The following PPARGC1A variants were observed in gnomAD, a reference collection of about 807,000 sequenced individuals.
The protein encoded by PPARGC1A is PPARG coactivator 1 alpha.
PPARGC1A carries 25 observed loss-of-function variants against 88.7 expected under a neutral mutation model. That is an observed-to-expected ratio of 0.28 (90% CI 0.21 to 0.39). PPARGC1A has a LOEUF of 0.39. Among genes scored for constraint, PPARGC1A ranks in the 10% least tolerant of loss-of-function variants. PPARGC1A has a pLI of 1.00. For missense variants in PPARGC1A, 880 were observed against 968.7 expected, an observed-to-expected ratio of 0.91 and a Z score of 1.22; for synonymous variants, 363 against 355.6, an observed-to-expected ratio of 1.02 and a Z score of -0.24.
chr4:24,283,955 G>A, the PPARGC1A span, among the ~76,000 whole-genome samples: 3 of 152,056 alleles, frequency 2.0e-5, no homozygotes, highest in African/African-American at 7.2e-5. Flanking sequence ...CTTTACAGAT[G>A]GGGAAACTGA....
chr4:24,062,998 C>T, the PPARGC1A span, among the ~76,000 whole-genome samples: 37,705 of 152,064 alleles, frequency 0.25, 4,942 homozygotes, highest in Admixed American at 0.36. Flanking sequence ...AACGATGGTT[C>T]ATCTTCTCTA....
the PPARGC1A span, among the ~76,000 whole-genome samples, chr4:24,423,829 A>G: frequency 6.6e-6 from 1 of 152,208 alleles, no homozygotes. Context: ...GTCAAACACT[A>G]CCAACGCTGC....
rs772347788 is a variant in PPARGC1A at position 23,795,787 on chromosome 4, C to A, written c.*35G>T. The A allele has an allele frequency of 2.7e-6, 4 of 1,501,336 alleles. No homozygotes were observed. Among genetic ancestry groups the A allele is most frequent in the South Asian group, 1.2e-5 (1 of 86,052 alleles). The allele number at this position is 1,501,336 out of a possible 1,614,324, so 93.0% of individuals were successfully genotyped here. A position where few individuals can be genotyped will look rare whatever the true frequency, so the allele number is the denominator to read the frequency against. On this transcript the variant is annotated 3_prime_UTR_variant, in exon 13 of 13. Transcript: ENST00000264867. ...AGGACGCGCTGTCCCATGAGGTATT[C>A]GCCATCCCTCTGTCATCCTCAGCTA...
the PPARGC1A span, among the ~76,000 whole-genome samples, chr4:24,387,838 AAG>A: frequency 1.2e-3 from 88 of 72,498 alleles, 4 homozygotes; most frequent in Admixed American, 0.011. Context: ...GAAAGAGAGA[AAG>A]AGAGAGAGAA....
intron 12 of PPARGC1A, among the ~76,000 whole-genome samples, chr4:23,798,447 T>A (rs896476073): frequency 6.6e-6 from 1 of 152,142 alleles, no homozygotes; most frequent in Non-Finnish European, 1.5e-5. Flanking sequence ...AAACCATGGT[T>A]GAAAATATTT....
the PPARGC1A span, among the ~76,000 whole-genome samples, chr4:24,357,818 G>C: frequency 6.6e-6 from 1 of 152,088 alleles, no homozygotes; most frequent in Non-Finnish European, 1.5e-5. Flanking sequence ...CTTGTCTGCC[G>C]CCACATAAGA....
At chr4:24,470,324 A>ACACACACACT in the PPARGC1A span, among the ~76,000 whole-genome samples, 42 of 107,842 alleles carry the variant, frequency 3.9e-4, no homozygotes, top group African/African-American at 1.3e-3. The surrounding 1 kb of genome is among the most constrained non-coding windows in gnomAD (Gnocchi z 5.8). Flanking sequence ...ACACACACAC[A>ACACACACACT]CTCTCTCACA....
At chr4:23,996,850 A>C in the PPARGC1A span, among the ~76,000 whole-genome samples, 1 of 152,214 alleles carries the variant, frequency 6.6e-6, no homozygotes, top group East Asian at 1.9e-4. Flanking sequence ...CCGGTGGCCA[A>C]GCGGATTTGA....
chr4:23,912,717 C>T, the PPARGC1A span, among the ~76,000 whole-genome samples: 1 of 151,922 alleles, frequency 6.6e-6, no homozygotes, highest in Non-Finnish European at 1.5e-5. Context: ...ACTGCAGTGT[C>T]AACTCTTAAA....
chr4:23,930,201 A>C, the PPARGC1A span, among the ~76,000 whole-genome samples: 1 of 152,228 alleles, frequency 6.6e-6, no homozygotes. Context: ...TTATATTACT[A>C]CCCATGGCTT....
chr4:24,143,069 C>A, the PPARGC1A span, among the ~76,000 whole-genome samples: 13 of 152,086 alleles, frequency 8.5e-5, no homozygotes, highest in African/African-American at 2.9e-4. Flanking sequence ...TGAAACTATA[C>A]CAATTGAAAA....
chr4:24,054,830 C>T, the PPARGC1A span, among the ~76,000 whole-genome samples: 2 of 152,150 alleles, frequency 1.3e-5, no homozygotes, highest in Non-Finnish European at 2.9e-5. Context: ...ATGAGTAATG[C>T]TTTTAAGCAG....
At chr4:24,206,840 TAAAAAAAAAAAAAAAA>T in the PPARGC1A span, among the ~76,000 whole-genome samples, 4,971 of 43,808 alleles carry the variant, frequency 0.11, 232 homozygotes, top group African/African-American at 0.18. Flanking sequence ...GACTTCACCT[TAAAAAAAAAAAAAAAA>T]AAAAAAAAAA....
the PPARGC1A span, among the ~76,000 whole-genome samples, chr4:24,365,654 C>T: frequency 6.6e-6 from 1 of 152,142 alleles, no homozygotes; most frequent in South Asian, 2.1e-4. Flanking sequence ...ATTAAATGTA[C>T]ATCAGATAAA....
chr4:24,225,441 C>T, the PPARGC1A span, among the ~76,000 whole-genome samples: 3 of 151,726 alleles, frequency 2.0e-5, no homozygotes, highest in Non-Finnish European at 2.9e-5. Flanking sequence ...TGGTGGCAGG[C>T]GCCTGTAGTC....
chr4:23,818,482 CACAA>C (rs1438074976), intron 7 of PPARGC1A, among the ~76,000 whole-genome samples: 4 of 152,102 alleles, frequency 2.6e-5, no homozygotes, highest in South Asian at 2.1e-4. Context: ...AATCACATAA[CACAA>C]ACAATCAAGA....
the PPARGC1A span, among the ~76,000 whole-genome samples, chr4:24,058,166 C>G: frequency 3.3e-5 from 5 of 152,170 alleles, no homozygotes; most frequent in East Asian, 1.9e-4. Context: ...GCCGGCCCAT[C>G]GCTCCTGCTC....
At chr4:23,929,506 G>A in the PPARGC1A span, among the ~76,000 whole-genome samples, 5 of 152,176 alleles carry the variant, frequency 3.3e-5, no homozygotes, top group African/African-American at 1.2e-4. Context: ...GCTGCCTCCC[G>A]AGGCTCTCCC....
the PPARGC1A span, among the ~76,000 whole-genome samples, chr4:24,127,556 C>T: frequency 3.7e-4 from 56 of 151,828 alleles, no homozygotes; most frequent in Non-Finnish European, 6.5e-4. Flanking sequence ...CACACGTGCG[C>T]GCGTGTGGAT....
Sources: gnomAD v4.1 joint callset for allele counts (sites outside exome capture counted in the v4.1 genomes callset) on GRCh38, gnomAD v4.1.1 for gene constraint, Gnocchi (gnomAD v3.1) non-coding constraint, MANE v1.5 for transcripts, NCBI Gene and HGNC (gene_info 2026-07-23, HGNC 2026-07-21) for gene names.